Variants in CNBD1 observed in about 807,000 individuals in gnomAD.
CNBD1 encodes cyclic nucleotide binding domain containing 1.
A neutral mutation model predicts 54.4 loss-of-function variants in CNBD1; 71 were observed. That is an observed-to-expected ratio of 1.30 (90% CI 1.08 to 1.59). The LOEUF is 1.59. CNBD1 is among the 40% of genes most tolerant of loss of function. The pLI is 0.00. For synonymous variants in CNBD1, 182 were observed against 170.7 expected (o/e 1.07, Z -0.51); for missense variants, 659 against 518.0 (o/e 1.27, Z -2.64).
At chr8:86,868,227 A>G (rs1186171659) in intron 1 of CNBD1, among the ~76,000 whole-genome samples, 1 of 152,230 alleles carries the variant, frequency 6.6e-6, no homozygotes, top group Non-Finnish European at 1.5e-5. Context: ...ACATTTACAT[A>G]CCTAAAAAGA....
At chr8:87,308,192 G>T (rs1173527556) in intron 8 of CNBD1, among the ~76,000 whole-genome samples, 1 of 152,012 alleles carries the variant, frequency 6.6e-6, no homozygotes, top group East Asian at 1.9e-4. Flanking sequence ...AATTTACTTG[G>T]GCCAGGGGAT....
chr8:87,404,934 C>T (rs1807628640), intron 2 of CNBD1, among the ~76,000 whole-genome samples: 3 of 151,952 alleles, frequency 2.0e-5, no homozygotes, highest in Admixed American at 1.3e-4. Flanking sequence ...CGTATCTAGG[C>T]CTCCACCAAC....
chr8:87,055,518 CACTAATTACACA>C (rs1810396053), intron 4 of CNBD1, among the ~76,000 whole-genome samples: 1 of 151,968 alleles, frequency 6.6e-6, no homozygotes, highest in African/African-American at 2.4e-5. Context: ...CCTGGGAGCC[CACTAATTACACA>C]AAGAACAAAA....
chr8:86,869,790 C>G (rs1808415821), intron 1 of CNBD1, among the ~76,000 whole-genome samples: 1 of 151,606 alleles, frequency 6.6e-6, no homozygotes, highest in Non-Finnish European at 1.5e-5. Flanking sequence ...CACACATGAC[C>G]CATTATTTTT....
intron 4 of CNBD1, among the ~76,000 whole-genome samples, chr8:87,203,089 T>G (rs2130795099): frequency 6.6e-6 from 1 of 152,300 alleles, no homozygotes; most frequent in African/African-American, 2.4e-5. Context: ...CTTGAGTAAG[T>G]TATTTAACAA....
intron 4 of CNBD1, among the ~76,000 whole-genome samples, chr8:87,058,416 T>C (rs901670442): frequency 2.0e-5 from 3 of 152,210 alleles, no homozygotes; most frequent in Non-Finnish European, 4.4e-5. Flanking sequence ...GTTGGGACTC[T>C]GTGTGGGGAT....
At chr8:86,973,669 T>G (rs1808273770) in intron 4 of CNBD1, among the ~76,000 whole-genome samples, 1 of 152,184 alleles carries the variant, frequency 6.6e-6, no homozygotes, top group African/African-American at 2.4e-5. Context: ...TTCAATGCCC[T>G]GACATGTTTT....
chr8:87,009,950 C>T (rs1382329661), intron 4 of CNBD1, among the ~76,000 whole-genome samples: 3 of 152,192 alleles, frequency 2.0e-5, no homozygotes, highest in Admixed American at 6.5e-5. Context: ...TCCTGTTCCT[C>T]ATCCTTCTTT....
intron 4 of CNBD1, among the ~76,000 whole-genome samples, chr8:87,121,209 A>C (rs1357812): frequency 0.6 from 91,347 of 151,312 alleles, 28,798 homozygotes; most frequent in African/African-American, 0.79. Context: ...TATTAAAAAC[A>C]CAAACTACAA....
At chr8:86,868,904 A>C (rs2446120) in intron 1 of CNBD1, among the ~76,000 whole-genome samples, 106,449 of 151,794 alleles carry the variant, frequency 0.7, 37,849 homozygotes, top group African/African-American at 0.8. Context: ...TCTGGGTACC[A>C]GCCACAATTG....
intron 6 of CNBD1, 80 bp downstream of exon 6, chr8:87,237,192 G>T: frequency 1.3e-6 from 1 of 763,968 alleles, no homozygotes; most frequent in South Asian, 2.3e-5. Context: ...CAGACATTAA[G>T]ATCCAATATC....
At chr8:87,122,516 T>G (rs547663317) in intron 4 of CNBD1, among the ~76,000 whole-genome samples, 35 of 152,032 alleles carry the variant, frequency 2.3e-4, no homozygotes, top group Admixed American at 4.6e-4. Context: ...ATTATTTTTA[T>G]TTTGTGCAGA....
rs186549182 is a variant in CNBD1 at position 87,190,423 on chromosome 8, C to T, written c.432-15570C>T. 2.1e-4 allele frequency among the ~76,000 whole-genome samples: 32 copies of T among 152,166 alleles called. No individual in the cohort carries two copies. In the East Asian group the frequency reaches 2.1e-3, roughly 10 times the overall value. Reference sequence around the variant, plus strand: ...CCAGGTTGTAAATCTGAGCTGATTCCTCCATGCCATCTGATTCAAGCTCAT... The same window carrying T: ...CCAGGTTGTAAATCTGAGCTGATTCTTCCATGCCATCTGATTCAAGCTCAT... On this transcript the variant is annotated intron_variant, in intron 4 of 10. Transcript: ENST00000518476.
chr8:87,344,347 A>G (rs911139685), intron 8 of CNBD1, among the ~76,000 whole-genome samples: 1 of 152,098 alleles, frequency 6.6e-6, no homozygotes, highest in Non-Finnish European at 1.5e-5. Context: ...ATTAAGAAGG[A>G]GTTTACAAAG....
chr8:87,283,579 C>G (rs531633391), intron 6 of CNBD1, among the ~76,000 whole-genome samples: 10 of 152,060 alleles, frequency 6.6e-5, no homozygotes, highest in Non-Finnish European at 1.5e-4. Flanking sequence ...AGTGTATGCT[C>G]TGTACTCATT....
In CNBD1 at chr8:87,291,340, T is replaced by G. The variant is rs1449845436; in HGVS notation, c.1042+4669T>G. Among the ~76,000 whole-genome samples the G allele has an allele frequency of 6.6e-4, 100 of 152,296 alleles. 2 individuals carry two copies. The highest frequency in any genetic ancestry group is 4.4e-5 in the Non-Finnish European group (3 of 68,024). On this transcript the variant is annotated intron_variant, in intron 8 of 10. Transcript: ENST00000518476. ...CCCCTCATTTCAGTATATTTACTATTGTTAAGATAATGTTTTCTGGACCAA... is the reference window on the plus strand; with the variant it reads ...CCCCTCATTTCAGTATATTTACTATGGTTAAGATAATGTTTTCTGGACCAA...
intron 4 of CNBD1, among the ~76,000 whole-genome samples, chr8:87,003,907 C>G (rs983161281): frequency 6.6e-6 from 1 of 152,128 alleles, no homozygotes; most frequent in Non-Finnish European, 1.5e-5. Flanking sequence ...CTCTTGTACT[C>G]TAGTCTCCTA....
chr8:87,208,821 T>C lies in CNBD1; in HGVS notation c.577+2683T>C, dbSNP rs186750437. On this transcript the variant is annotated intron_variant, in intron 5 of 10. Transcript: ENST00000518476. ...CTTTATTTCATTCTGTAACCCACTT[T>C]TATGAGATTGTATCTCAAAAACTCC... 5.9e-5 allele frequency among the ~76,000 whole-genome samples: 9 copies of C among 152,224 alleles called. No individual in the cohort carries two copies. In the East Asian group the frequency reaches 1.7e-3, roughly 29 times the overall value.
intron 2 of CNBD1, among the ~76,000 whole-genome samples, chr8:86,891,359 G>A (rs974976065): frequency 7.9e-5 from 12 of 151,918 alleles, no homozygotes; most frequent in Admixed American, 3.3e-4. Flanking sequence ...TTTTTCCATT[G>A]TGTGTTCTTG....
Sources: allele counts gnomAD v4.1 joint callset (sites outside exome capture counted in the v4.1 genomes callset), GRCh38; gene constraint gnomAD v4.1.1; transcripts MANE v1.5; gene names NCBI Gene and HGNC (gene_info 2026-07-23, HGNC 2026-07-21).